Variants in SBF2 observed in about 807,000 individuals in gnomAD.
SBF2 encodes the protein myotubularin-related protein 13.
A neutral mutation model predicts 225.2 loss-of-function variants in SBF2; 112 were observed. That is an observed-to-expected ratio of 0.50 (90% CI 0.43 to 0.58). The LOEUF is 0.58. SBF2 is among the 20% of genes least tolerant of loss of function. The probability of loss-of-function intolerance (pLI) is 0.00; values close to 1 mark genes in which losing one functional copy is unlikely to be tolerated. For synonymous variants in SBF2, 763 were observed against 773.3 expected, an observed-to-expected ratio of 0.99 and a Z score of 0.22; for missense variants, 1,996 against 2,206.2, an observed-to-expected ratio of 0.90 and a Z score of 1.91.
intron 21 of SBF2, among the ~76,000 whole-genome samples, chr11:9,851,049 T>C (rs1199473682): frequency 6.7e-6 from 1 of 149,314 alleles, no homozygotes; most frequent in Non-Finnish European, 1.5e-5. Context: ...GGCAGGAGAA[T>C]CGCTTGAACC....
At chr11:10,124,817 T>A (rs1454221071) in intron 2 of SBF2, among the ~76,000 whole-genome samples, 2 of 152,052 alleles carry the variant, frequency 1.3e-5, no homozygotes, top group African/African-American at 2.4e-5. Flanking sequence ...ATTAAAAAAA[T>A]TTTCTGGCTG....
intron 1 of SBF2, among the ~76,000 whole-genome samples, chr11:10,249,950 G>C (rs1960193174): frequency 1.3e-5 from 2 of 151,934 alleles, no homozygotes; most frequent in Non-Finnish European, 2.9e-5. Flanking sequence ...TATTTAACAT[G>C]TTAAGTTACA....
At chr11:10,235,774 C>G (rs1959048021) in intron 1 of SBF2, among the ~76,000 whole-genome samples, 2 of 152,160 alleles carry the variant, frequency 1.3e-5, no homozygotes, top group African/African-American at 4.8e-5. Flanking sequence ...ATTGCTGCAT[C>G]TAGATATCCA....
upstream of SBF2, among the ~76,000 whole-genome samples, chr11:10,296,056 A>G (rs776816821): frequency 6.6e-5 from 10 of 152,130 alleles, no homozygotes; most frequent in Non-Finnish European, 1.5e-4. Context: ...CTCCCCTCCC[A>G]CAGCCCCTGG....
rs759977048 is a variant in SBF2, at chr11:10,193,934, C to T, written c.109G>A (p.Asp37Asn). 8.1e-6 allele frequency: 13 copies of T among 1,612,786 alleles called. No individual in the cohort carries two copies. The highest frequency in any genetic ancestry group is 9.3e-6 in the Non-Finnish European group (11 of 1,178,908). Residue 37 changes from aspartate (D) to asparagine (N), a missense_variant, in exon 2 of 40, where the codon GAT becomes AAT. Physicochemically the swap from Asp to Asn is conservative, Grantham distance 23. Coordinates refer to ENST00000256190, the MANE Select transcript of SBF2 (RefSeq NM_030962.4). Reference sequence around the variant, plus strand: ...ATTCCCTGTGGAAAAGGTGTATCATCCCAGTCCTTCTGTGGAAATCTCTGG... The same window carrying T: ...ATTCCCTGTGGAAAAGGTGTATCATTCCAGTCCTTCTGTGGAAATCTCTGG... Reference protein sequence around the residue: ...IIQRFPQKDWDDTPFPQGIEL... With the variant: ...IIQRFPQKDWNDTPFPQGIEL...
intron 23 of SBF2, among the ~76,000 whole-genome samples, chr11:9,846,519 CTTGCT>C (rs1252619280): frequency 6.6e-6 from 1 of 152,208 alleles, no homozygotes; most frequent in Non-Finnish European, 1.5e-5. Flanking sequence ...TGGAAAACCT[CTTGCT>C]TTATCAGGGG....
At chr11:10,096,376 T>C (rs1952023991) in intron 2 of SBF2, among the ~76,000 whole-genome samples, 1 of 150,690 alleles carries the variant, frequency 6.6e-6, no homozygotes, top group South Asian at 2.1e-4. Flanking sequence ...CCTAGAAATA[T>C]GTATTTTTAA....
rs370274486 is a variant in SBF2, at chr11:9,808,895, G to C, written c.4257+6C>G. 18 of 1,590,928 alleles carry C rather than the reference G, an allele frequency of 1.1e-5. No individual in the cohort carries two copies. In the African/African-American group the frequency reaches 2.1e-4, roughly 19 times the overall value. ...AAAATATCAAAAAATATGTCTAATA[G>C]TTTACTTGTGCAGTGATGTCCCAGC... On this transcript the variant is annotated splice_donor_region_variant and intron_variant, in intron 31 of 39. Transcript: ENST00000256190.
rs192475155 is a variant in SBF2, at chr11:9,873,561, G to C, written c.1930-15165C>G. On this transcript the variant is annotated intron_variant, in intron 17 of 39. Transcript: ENST00000256190. ...GGTACAACAGCAGGAAACCCACATA[G>C]GCAGACATAGATAACTGGGAAATAG... Among the ~76,000 whole-genome samples, 9 of 152,262 alleles carry C rather than the reference G, an allele frequency of 5.9e-5. No homozygotes were observed. The East Asian group carries it at 1.7e-3, about 29-fold the overall frequency.
intron 3 of SBF2, among the ~76,000 whole-genome samples, chr11:10,034,964 T>C (rs1250040694): frequency 1.3e-5 from 2 of 152,076 alleles, no homozygotes. Context: ...AATGAATGCA[T>C]AAGAAATACA....
intron 2 of SBF2, among the ~76,000 whole-genome samples, chr11:10,127,475 C>G (rs552785447): frequency 5.3e-5 from 8 of 152,088 alleles, no homozygotes; most frequent in Non-Finnish European, 1.2e-4. Flanking sequence ...CAACATCCCT[C>G]CATTGCCTCC....
intron 32 of SBF2, among the ~76,000 whole-genome samples, chr11:9,802,218 G>T (rs1468144319): frequency 1.3e-5 from 2 of 151,632 alleles, no homozygotes; most frequent in Non-Finnish European, 2.9e-5. Context: ...TTTTAATTTG[G>T]CTCAACTATT....
chr11:9,890,505 C>T (rs10743120), intron 17 of SBF2, among the ~76,000 whole-genome samples: 87,842 of 151,986 alleles, frequency 0.58, 25,686 homozygotes, highest in African/African-American at 0.61. Context: ...TAAGACCTAA[C>T]TCAATCAATA....
At chr11:9,936,049 T>C (rs1864873599) in intron 16 of SBF2, among the ~76,000 whole-genome samples, 2 of 152,118 alleles carry the variant, frequency 1.3e-5, no homozygotes, top group East Asian at 1.9e-4. Context: ...AATTTTGCAA[T>C]CTACCCATCT....
chr11:10,052,790 TAA>T (rs1950108035), intron 2 of SBF2, among the ~76,000 whole-genome samples: 2 of 152,192 alleles, frequency 1.3e-5, no homozygotes, highest in Non-Finnish European at 2.9e-5. Flanking sequence ...ATTAAGGTCA[TAA>T]AGAGTTTGTG....
At chr11:9,864,321 C>A (rs1462477578) in intron 17 of SBF2, among the ~76,000 whole-genome samples, 1 of 152,158 alleles carries the variant, frequency 6.6e-6, no homozygotes, top group Admixed American at 6.5e-5. Context: ...TATTCATCCA[C>A]CAGCATTGTC....
At chr11:10,038,989 C>T (rs1949550447) in intron 3 of SBF2, among the ~76,000 whole-genome samples, 1 of 151,758 alleles carries the variant, frequency 6.6e-6, no homozygotes, top group Admixed American at 6.6e-5. Flanking sequence ...TTTAGGATCA[C>T]ATTACCTAGT....
intron 1 of SBF2, among the ~76,000 whole-genome samples, chr11:10,269,771 A>G (rs890558782): frequency 6.6e-6 from 1 of 151,682 alleles, no homozygotes; most frequent in East Asian, 1.9e-4. Context: ...CACTTTATCT[A>G]TTTTTGTAGA....
intron 2 of SBF2, among the ~76,000 whole-genome samples, chr11:10,184,768 C>T (rs145703196): frequency 9.3e-4 from 141 of 152,238 alleles, no homozygotes; most frequent in Non-Finnish European, 1.5e-3. Flanking sequence ...ACTCTGTCGC[C>T]CAGGCTGGAG....
Sources: allele counts gnomAD v4.1 joint callset (sites outside exome capture counted in the v4.1 genomes callset), GRCh38; gene constraint gnomAD v4.1.1; transcripts MANE v1.5; gene names NCBI Gene and HGNC (gene_info 2026-07-23, HGNC 2026-07-21).